Variants in SDK1 observed in about 807,000 individuals in gnomAD.
SDK1 encodes the protein protein sidekick-1.
In SDK1, 157 loss-of-function variants were observed where a neutral mutation model predicts 245.5. The observed-to-expected ratio is 0.64, with a 90% CI of 0.56 to 0.73. The LOEUF (loss-of-function observed/expected upper bound fraction) is 0.73. Ranked by LOEUF, SDK1 falls within the 30% of genes least tolerant of loss-of-function variation. The pLI is 0.00. For synonymous variants in SDK1, 1,647 were observed against 1,278.5 expected (o/e 1.29, Z -6.15); for missense variants, 3,583 against 3,002.3 (o/e 1.19, Z -4.52).
At chr7:3,906,405 A>T (rs1778932160) in intron 5 of SDK1, among the ~76,000 whole-genome samples, 1 of 150,418 alleles carries the variant, frequency 6.6e-6, no homozygotes, top group Non-Finnish European at 1.5e-5. Context: ...TGTGTGAGAG[A>T]GAGAGAGAGA....
Position 4,175,815 on chromosome 7 carries a change from G to C in SDK1, c.4977G>C (p.Ser1659=), listed in dbSNP as rs774410950. ...SFKTVNSSST[S]TMCELTHLKK... is the part of the protein sequence containing the mutation. ...AGACGGTGAACAGCAGCTCCACATCGACGATGTGTGAACTAACACGTAAGT... is the reference window on the plus strand; with the variant it reads ...AGACGGTGAACAGCAGCTCCACATCCACGATGTGTGAACTAACACGTAAGT... Residue 1659 remains serine, a synonymous_variant, in exon 34 of 45, where the codon TCG becomes TCC. Transcript: ENST00000404826. The C allele has an allele frequency of 3.7e-6, 6 of 1,613,568 alleles. No individual in the cohort carries two copies. Among genetic ancestry groups the C allele is most frequent in the Admixed American group, 1.7e-5 (1 of 60,016 alleles).
At chr7:4,013,309 C>T (rs1048869950) in intron 16 of SDK1, among the ~76,000 whole-genome samples, 1 of 152,190 alleles carries the variant, frequency 6.6e-6, no homozygotes, top group Non-Finnish European at 1.5e-5. Context: ...CCTGTTGACA[C>T]AAGTAAAAGC....
intron 38 of SDK1, among the ~76,000 whole-genome samples, chr7:4,213,196 G>A (rs528624526): frequency 1.3e-5 from 2 of 152,192 alleles, no homozygotes; most frequent in South Asian, 2.1e-4. Flanking sequence ...AGTGGATCAC[G>A]AGGTCAGGAG....
chr7:3,624,884 A>G (rs577200886), intron 2 of SDK1, among the ~76,000 whole-genome samples: 64 of 152,114 alleles, frequency 4.2e-4, no homozygotes, highest in Non-Finnish European at 7.2e-4. Flanking sequence ...CATCTCTACT[A>G]AAAATACAAA....
At chr7:3,302,809 GTTGTAT>G (rs1473916035) in intron 1 of SDK1, among the ~76,000 whole-genome samples, 1 of 152,144 alleles carries the variant, frequency 6.6e-6, no homozygotes, top group Non-Finnish European at 1.5e-5. Flanking sequence ...AATTAACTTA[GTTGTAT>G]TCCAAGATAC....
rs151085454 is a variant in SDK1 at position 3,725,759 on chromosome 7, G to A, written c.713+83654G>A. On this transcript the variant is annotated intron_variant, in intron 4 of 44. Coordinates refer to ENST00000404826, the MANE Select transcript of SDK1 (RefSeq NM_152744.4). ...GGAGAGAAGAAAATTGCTAGTACCA[G>A]TGTGGGAGTTGTACTGTCGTCTTCT... Among the ~76,000 whole-genome samples, 1,008 of 152,310 alleles carry A rather than the reference G, an allele frequency of 6.6e-3. 11 individuals carry two copies. The highest frequency in any genetic ancestry group is 8.5e-3 in the Non-Finnish European group (577 of 68,030).
intron 5 of SDK1, among the ~76,000 whole-genome samples, chr7:3,907,497 CTA>C (rs1010011351): frequency 6.6e-6 from 1 of 152,234 alleles, no homozygotes; most frequent in African/African-American, 2.4e-5. Context: ...ATACCACACT[CTA>C]TGTATCCACT....
intron 4 of SDK1, among the ~76,000 whole-genome samples, chr7:3,648,297 C>T (rs2128654874): frequency 6.6e-6 from 1 of 152,318 alleles, no homozygotes. Flanking sequence ...TAACTCTGTA[C>T]AGTGCCATTC....
chr7:3,664,692 A>G (rs1254306876), intron 4 of SDK1, among the ~76,000 whole-genome samples: 1 of 150,612 alleles, frequency 6.6e-6, no homozygotes, highest in Non-Finnish European at 1.5e-5. Context: ...GTGAGCCGAG[A>G]TTGTGCCACT....
chr7:4,035,238 G>C (rs1788130151), intron 17 of SDK1, among the ~76,000 whole-genome samples: 1 of 152,066 alleles, frequency 6.6e-6, no homozygotes, highest in African/African-American at 2.4e-5. Flanking sequence ...ATCCACCTTG[G>C]CCTCTCAAAG....
chr7:3,613,149 A>C (rs767595925), intron 1 of SDK1, among the ~76,000 whole-genome samples: 1 of 152,138 alleles, frequency 6.6e-6, no homozygotes, highest in Non-Finnish European at 1.5e-5. Flanking sequence ...GATACGACTT[A>C]ATTTTAGCTG....
At chr7:3,617,795 A>G (rs916171109) in intron 1 of SDK1, among the ~76,000 whole-genome samples, 1 of 152,192 alleles carries the variant, frequency 6.6e-6, no homozygotes, top group Non-Finnish European at 1.5e-5. Context: ...TGCATGACCT[A>G]ATCATATCCT....
At chr7:3,985,742 C>A (rs373855933) in intron 13 of SDK1, among the ~76,000 whole-genome samples, 7 of 152,264 alleles carry the variant, frequency 4.6e-5, no homozygotes, top group African/African-American at 1.7e-4. Flanking sequence ...CACTAATGTA[C>A]AATGTAGTTG....
At chr7:3,838,867 TA>T (rs1354887999) in intron 5 of SDK1, among the ~76,000 whole-genome samples, 1 of 152,104 alleles carries the variant, frequency 6.6e-6, no homozygotes, top group East Asian at 1.9e-4. Flanking sequence ...AACAGGGAAA[TA>T]TAAGTTAGAC....
At chr7:3,557,393 A>G (rs1464190604) in intron 1 of SDK1, among the ~76,000 whole-genome samples, 1 of 152,204 alleles carries the variant, frequency 6.6e-6, no homozygotes, top group Non-Finnish European at 1.5e-5. Context: ...GATGAAATAG[A>G]TAATCTGAAG....
intron 2 of SDK1, among the ~76,000 whole-genome samples, chr7:3,624,793 C>T (rs1169043202): frequency 2.6e-5 from 4 of 151,960 alleles, no homozygotes; most frequent in Non-Finnish European, 5.9e-5. Context: ...CACCTGTAAT[C>T]CCAGCACTTT....
chr7:4,010,338 C>G (rs1785840256), intron 14 of SDK1, among the ~76,000 whole-genome samples: 1 of 152,178 alleles, frequency 6.6e-6, no homozygotes, highest in South Asian at 2.1e-4. Flanking sequence ...GCCTTGCCGG[C>G]AAGAGTGCAT....
chr7:4,145,307 C>T (rs1288016849), intron 28 of SDK1, among the ~76,000 whole-genome samples: 3 of 152,074 alleles, frequency 2.0e-5, no homozygotes, highest in African/African-American at 7.2e-5. Flanking sequence ...CTGGGGAGGC[C>T]ATGCTGTCTT....
intron 4 of SDK1, among the ~76,000 whole-genome samples, chr7:3,725,419 A>G (rs1408092696): frequency 1.3e-5 from 2 of 152,208 alleles, no homozygotes; most frequent in Non-Finnish European, 1.5e-5. Flanking sequence ...TCGCCTTGCA[A>G]TCAGAACATT....
Sources: allele counts gnomAD v4.1 joint callset (sites outside exome capture counted in the v4.1 genomes callset), GRCh38; gene constraint gnomAD v4.1.1; transcripts MANE v1.5; gene names NCBI Gene and HGNC (gene_info 2026-07-23, HGNC 2026-07-21).